KIAA1549L: variants seen among roughly 807,000 people sequenced by gnomAD.
KIAA1549L encodes the protein KIAA1549 like.
In KIAA1549L, 88 loss-of-function variants were observed where a neutral mutation model predicts 160.7. The ratio of observed to expected loss-of-function variants is 0.55; its 90% CI spans 0.46 to 0.65. The LOEUF is 0.65. Ranked by LOEUF, KIAA1549L falls within the 30% of genes least tolerant of loss-of-function variation. The pLI, the probability that KIAA1549L is intolerant of heterozygous loss-of-function variation, is 0.00. For missense variants in KIAA1549L, 2,258 were observed against 2,437.5 expected (o/e 0.93, Z 1.55); for synonymous variants, 950 against 976.7 (o/e 0.97, Z 0.51).
chr11:33,434,028 C>T (rs372831732), intron 1 of KIAA1549L, among the ~76,000 whole-genome samples: 13 of 151,778 alleles, frequency 8.6e-5, no homozygotes, highest in South Asian at 4.2e-4. Context: ...GTAACCTGCA[C>T]GTTCTGCACA....
In KIAA1549L at chr11:33,537,926, T is replaced by G. The variant is rs186642127; in HGVS notation, c.239-3876T>G. Among the ~76,000 whole-genome samples the G allele has an allele frequency of 1.2e-3, 179 of 152,334 alleles. No individual in the cohort carries two copies. In the South Asian group the frequency reaches 0.025, roughly 21 times the overall value. On this transcript the variant is annotated intron_variant, in intron 1 of 20. Coordinates refer to ENST00000658780, the MANE Select transcript of KIAA1549L (RefSeq NM_012194.3). ...AGTATGTTTCCCCTAAATCTTTAAA[T>G]AAAGTTGATACTTTGGAATGATATG...
At chr11:33,413,542 C>G (rs753351349) in intron 1 of KIAA1549L, among the ~76,000 whole-genome samples, 7 of 151,914 alleles carry the variant, frequency 4.6e-5, no homozygotes, top group African/African-American at 1.7e-4. Flanking sequence ...GATGTGTCCC[C>G]CTTAACAATC....
At chr11:33,407,963 G>T (rs1486055006) in intron 1 of KIAA1549L, among the ~76,000 whole-genome samples, 1 of 152,042 alleles carries the variant, frequency 6.6e-6, no homozygotes, top group Non-Finnish European at 1.5e-5. Flanking sequence ...ACCCGTTCCT[G>T]CAGGGTCTCA....
rs1481076097 is a variant in KIAA1549L, at chr11:33,583,272, T to C, written c.4403-66T>C. Reference sequence around the variant, plus strand: ...GACTTGGGACTGGGGTGGGGGGTTATGTCTGGGTTGCTTTCCTCTTCCCAG... The same window carrying C: ...GACTTGGGACTGGGGTGGGGGGTTACGTCTGGGTTGCTTTCCTCTTCCCAG... On this transcript the variant is annotated intron_variant, in intron 10 of 20. Transcript: ENST00000658780. 6.2e-6 allele frequency: 9 copies of C among 1,458,628 alleles called. No individual in the cohort carries two copies. In the African/African-American group the frequency reaches 1.1e-4, roughly 18 times the overall value. The allele number at this position is 1,458,628 out of a possible 1,614,324, so 90.4% of individuals were successfully genotyped here. A position where few individuals can be genotyped will look rare whatever the true frequency, so the allele number is the denominator to read the frequency against.
rs142161087 is a variant in KIAA1549L, at chr11:33,501,016, A to G, written c.239-40786A>G. ...AAATTTCCAAAAAAAAACCAAAGAC[A>G]TACTCCTCCAATCCACTTATTGCTG... On this transcript the variant is annotated intron_variant, in intron 1 of 20. Coordinates refer to ENST00000658780, the MANE Select transcript of KIAA1549L (RefSeq NM_012194.3). Among the ~76,000 whole-genome samples the G allele has an allele frequency of 3.7e-4, 57 of 152,226 alleles. No homozygotes were observed. The East Asian group carries it at 7.3e-3, about 20-fold the overall frequency.
intron 1 of KIAA1549L, among the ~76,000 whole-genome samples, chr11:33,489,637 G>A (rs1019368554): frequency 2.0e-5 from 3 of 152,186 alleles, no homozygotes; most frequent in African/African-American, 7.2e-5. Context: ...GGTTTCCAAA[G>A]GCACCCTGGA....
chr11:33,464,430 C>G (rs538708453), intron 1 of KIAA1549L, among the ~76,000 whole-genome samples: 2 of 151,874 alleles, frequency 1.3e-5, no homozygotes, highest in East Asian at 3.9e-4. Flanking sequence ...GATAAGCCAA[C>G]AGTCACGCAT....
At chr11:33,427,253 A>G (rs1462250229) in intron 1 of KIAA1549L, among the ~76,000 whole-genome samples, 1 of 104,306 alleles carries the variant, frequency 9.6e-6, no homozygotes, top group Non-Finnish European at 2.4e-5. Flanking sequence ...AAAAACAGGT[A>G]GAAGAGGATT....
At position 33,626,168 on chromosome 11, in the gene KIAA1549L, T is replaced by C. The variant is rs1244405191; in HGVS notation, c.5409+7506T>C. On this transcript the variant is annotated intron_variant, in intron 16 of 20. Transcript: ENST00000658780. ...TGCTGTTTTGGTTACTGTAGCCTTGTAGTATAGTTTGAAGTCAGGTAGTGT... is the reference window on the plus strand; with the variant it reads ...TGCTGTTTTGGTTACTGTAGCCTTGCAGTATAGTTTGAAGTCAGGTAGTGT... Among the ~76,000 whole-genome samples, 483 of 147,000 alleles carry C rather than the reference T, an allele frequency of 3.3e-3. 1 individual carries two copies. The highest frequency in any genetic ancestry group is 0.012 in the African/African-American group (465 of 38,916).
intron 1 of KIAA1549L, among the ~76,000 whole-genome samples, chr11:33,454,370 G>A (rs1851779549): frequency 6.6e-6 from 1 of 152,210 alleles, no homozygotes; most frequent in African/African-American, 2.4e-5. Flanking sequence ...AACAAGGTAA[G>A]TAGTAAGTAA....
In KIAA1549L at chr11:33,667,661, C is replaced by T. The variant is rs141896619; in HGVS notation, c.6160-212C>T. On this transcript the variant is annotated intron_variant, in intron 20 of 20. Coordinates refer to ENST00000658780, the MANE Select transcript of KIAA1549L (RefSeq NM_012194.3). The stretch of plus-strand genomic sequence containing the variant: ...CGTCCACCTCGGACTTCCAAAGTGC[C>T]GGGATTACAGGCGTGAGCCACCGAA... Among the ~76,000 whole-genome samples the T allele has an allele frequency of 5.1e-4, 78 of 152,144 alleles. 1 individual carries two copies. The highest frequency in any genetic ancestry group is 3.4e-3 in the Middle Eastern group (1 of 294).
chr11:33,475,292 A>G (rs1353893742), intron 1 of KIAA1549L, among the ~76,000 whole-genome samples: 2 of 152,174 alleles, frequency 1.3e-5, no homozygotes, highest in Admixed American at 6.5e-5. Context: ...GCCTTGTTCT[A>G]GAAAAGAATT....
At chr11:33,492,420 AC>A (rs1852693338) in intron 1 of KIAA1549L, among the ~76,000 whole-genome samples, 1 of 152,310 alleles carries the variant, frequency 6.6e-6, no homozygotes, top group Non-Finnish European at 1.5e-5. Context: ...GTTCAGGGTG[AC>A]CTTGAACCCT....
At chr11:33,425,675 C>T (rs143936397) in intron 1 of KIAA1549L, among the ~76,000 whole-genome samples, 6 of 152,246 alleles carry the variant, frequency 3.9e-5, no homozygotes, top group East Asian at 3.9e-4. Context: ...TGCTTATTTC[C>T]GCTATTATTA....
chr11:33,429,374 G>A (rs1851185925), intron 1 of KIAA1549L, among the ~76,000 whole-genome samples: 1 of 152,196 alleles, frequency 6.6e-6, no homozygotes, highest in Non-Finnish European at 1.5e-5. Flanking sequence ...AAATCGGGTT[G>A]CTTGTCTTTT....
chr11:33,533,325 C>G (rs1045336193), intron 1 of KIAA1549L, among the ~76,000 whole-genome samples: 1 of 152,124 alleles, frequency 6.6e-6, no homozygotes, highest in Non-Finnish European at 1.5e-5. Flanking sequence ...GCATGTGGTT[C>G]CTGAGATGTG....
At chr11:33,484,004 T>C (rs1349351688) in intron 1 of KIAA1549L, among the ~76,000 whole-genome samples, 1 of 152,254 alleles carries the variant, frequency 6.6e-6, no homozygotes, top group African/African-American at 2.4e-5. Context: ...GGTCAGATAC[T>C]ATCCATGCTG....
chr11:33,376,288 C>T lies in KIAA1549L; in HGVS notation c.-364C>T, dbSNP rs944799835. 6.7e-6 allele frequency among the ~76,000 whole-genome samples: 1 copy of T among 148,830 alleles called. No homozygotes were observed. Among genetic ancestry groups the T allele is most frequent in the South Asian group, 2.1e-4 (1 of 4,778 alleles). On this transcript the variant is annotated 5_prime_UTR_variant, in exon 1 of 21. Coordinates refer to ENST00000658780, the MANE Select transcript of KIAA1549L (RefSeq NM_012194.3). This position sits in a 1 kb window ranked among gnomAD's most constrained non-coding sequence, Gnocchi z 5.8. ...GAGCGCGCCCCGCGGCCGCCACCCC[C>T]GTTCCCGGCAGCCTCGCCCCCTAGT...
chr11:33,467,365 A>G (rs1469603640), intron 1 of KIAA1549L, among the ~76,000 whole-genome samples: 2 of 152,230 alleles, frequency 1.3e-5, no homozygotes, highest in Non-Finnish European at 2.9e-5. Flanking sequence ...GCACACACAT[A>G]CTAATGAAAC....
Sources: allele counts gnomAD v4.1 joint callset (sites outside exome capture counted in the v4.1 genomes callset), GRCh38; gene constraint gnomAD v4.1.1; non-coding constraint Gnocchi (gnomAD v3.1); transcripts MANE v1.5; gene names NCBI Gene and HGNC (gene_info 2026-07-23, HGNC 2026-07-21).